Variants in CTNNA3 observed in about 807,000 individuals in gnomAD.
The protein encoded by CTNNA3 is catenin alpha-3.
Under a neutral mutation model 95.7 loss-of-function variants are expected in CTNNA3, and 76 were observed. That is an observed-to-expected ratio of 0.79 (90% CI 0.66 to 0.96). The LOEUF (loss-of-function observed/expected upper bound fraction) is 0.96, where lower values mean the gene tolerates loss of function less well. CTNNA3 is among the 40% of genes least tolerant of loss of function. CTNNA3 has a pLI of 0.00. For synonymous variants in CTNNA3, 431 were observed against 374.4 expected (o/e 1.15, Z -1.74); for missense variants, 1,191 against 1,089.8 (o/e 1.09, Z -1.31).
At chr10:66,135,820 T>C (rs2083314819) in intron 13 of CTNNA3, among the ~76,000 whole-genome samples, 1 of 152,236 alleles carries the variant, frequency 6.6e-6, no homozygotes, top group Non-Finnish European at 1.5e-5. Flanking sequence ...TGTTTAACAA[T>C]TGACTCTAAA....
At chr10:66,736,497 A>G (rs1849148062) in intron 9 of CTNNA3, among the ~76,000 whole-genome samples, 1 of 151,878 alleles carries the variant, frequency 6.6e-6, no homozygotes, top group African/African-American at 2.4e-5. Context: ...CCAGGCAACT[A>G]ATACAATTTT....
At chr10:66,532,542 C>T (rs1841507342) in intron 10 of CTNNA3, among the ~76,000 whole-genome samples, 1 of 151,372 alleles carries the variant, frequency 6.6e-6, no homozygotes, top group Non-Finnish European at 1.5e-5. Context: ...GACTTGGATT[C>T]AGCTTTGGTT....
At chr10:66,035,537 A>ATTTTT (rs3884199) in intron 15 of CTNNA3, among the ~76,000 whole-genome samples, 2,685 of 147,194 alleles carry the variant, frequency 0.018, 58 homozygotes, top group Admixed American at 0.048. Context: ...GAATGAGGGT[A>ATTTTT]TTTTTTTTTT....
At chr10:66,979,085 C>T (rs960382486) in intron 7 of CTNNA3, among the ~76,000 whole-genome samples, 3 of 151,108 alleles carry the variant, frequency 2.0e-5, no homozygotes, top group Admixed American at 6.6e-5. Flanking sequence ...CTGCCTCAGC[C>T]TCCTGAGTAG....
At chr10:67,673,778 G>C (rs1199453627) in intron 1 of CTNNA3, among the ~76,000 whole-genome samples, 1 of 134,382 alleles carries the variant, frequency 7.4e-6, no homozygotes, top group Non-Finnish European at 1.6e-5. Flanking sequence ...AAGAAGTCTA[G>C]AGGTAAGAAG....
intron 9 of CTNNA3, among the ~76,000 whole-genome samples, chr10:66,635,044 G>GAC (rs1001270895): frequency 2.0e-5 from 3 of 152,016 alleles, no homozygotes; most frequent in African/African-American, 7.2e-5. Flanking sequence ...ACTGTAAATG[G>GAC]ACACACACAC....
At position 67,555,183 on chromosome 10, in the gene CTNNA3, A is replaced by T. The variant is rs143265744; in HGVS notation, c.293-15514T>A. ...CTTGTAGTTCAGTTTGAAGTCTGGT[A>T]GTGTGATGCCTCCAGCTTTGTTCTT... On this transcript the variant is annotated intron_variant, in intron 3 of 17. Coordinates refer to ENST00000433211, the MANE Select transcript of CTNNA3 (RefSeq NM_013266.4). Among the ~76,000 whole-genome samples the T allele has an allele frequency of 2.4e-3, 360 of 152,238 alleles. 4 individuals are homozygous for T. Among genetic ancestry groups the T allele is most frequent in the African/African-American group, 8.1e-3 (336 of 41,530 alleles).
chr10:66,011,793 A>T (rs545609126), intron 15 of CTNNA3, among the ~76,000 whole-genome samples: 4 of 152,218 alleles, frequency 2.6e-5, no homozygotes, highest in African/African-American at 9.7e-5. Flanking sequence ...ATTGTAAAAG[A>T]GTCTAGTTTA....
intron 4 of CTNNA3, among the ~76,000 whole-genome samples, chr10:67,538,192 G>T (rs1840547193): frequency 7.2e-6 from 1 of 139,634 alleles, no homozygotes; most frequent in Non-Finnish European, 1.5e-5. Flanking sequence ...GTATTGAATT[G>T]CTGTTTTTAC....
chr10:66,971,811 A>G (rs914583119), intron 7 of CTNNA3, among the ~76,000 whole-genome samples: 3 of 152,144 alleles, frequency 2.0e-5, no homozygotes, highest in Non-Finnish European at 2.9e-5. Flanking sequence ...CATCTCTACT[A>G]TTATTATAAA....
chr10:67,293,241 T>C (rs1839906021), intron 5 of CTNNA3, among the ~76,000 whole-genome samples: 1 of 152,298 alleles, frequency 6.6e-6, no homozygotes, highest in South Asian at 2.1e-4. Context: ...AAGGTCCTCT[T>C]AGAAGGTAGT....
chr10:67,732,195 G>C (rs978301341), intron 1 of CTNNA3, among the ~76,000 whole-genome samples: 3 of 151,956 alleles, frequency 2.0e-5, no homozygotes, highest in Non-Finnish European at 4.4e-5. Flanking sequence ...TGGTTACATG[G>C]ATATATTGCA....
At chr10:66,872,442 G>A (rs1025237174) in intron 7 of CTNNA3, among the ~76,000 whole-genome samples, 10 of 152,112 alleles carry the variant, frequency 6.6e-5, no homozygotes, top group Non-Finnish European at 1.3e-4. Flanking sequence ...GCCGAGGCAG[G>A]TGGATTGTCT....
At chr10:67,428,356 A>G (rs1156786980) in intron 5 of CTNNA3, among the ~76,000 whole-genome samples, 4 of 152,192 alleles carry the variant, frequency 2.6e-5, no homozygotes, top group Admixed American at 2.6e-4. Flanking sequence ...TATATCATTA[A>G]TGAGTTGAAG....
chr10:66,119,074 C>A (rs1023686215), intron 13 of CTNNA3, among the ~76,000 whole-genome samples: 1 of 151,984 alleles, frequency 6.6e-6, no homozygotes, highest in African/African-American at 2.4e-5. Context: ...AGATATAAAA[C>A]ATTGATTTTT....
At chr10:66,033,037 C>T (rs960757670) in intron 15 of CTNNA3, among the ~76,000 whole-genome samples, 1 of 152,062 alleles carries the variant, frequency 6.6e-6, no homozygotes, top group African/African-American at 2.4e-5. Flanking sequence ...TCGACATGTT[C>T]ATCTCATCCT....
chr10:66,133,148 C>A (rs1176907988), intron 13 of CTNNA3, among the ~76,000 whole-genome samples: 4 of 151,760 alleles, frequency 2.6e-5, no homozygotes, highest in Non-Finnish European at 4.4e-5. Context: ...TATGTAAATT[C>A]TCCTATGTTA....
chr10:66,819,093 A>T (rs1313146274), intron 7 of CTNNA3, among the ~76,000 whole-genome samples: 8 of 110,038 alleles, frequency 7.3e-5, no homozygotes, highest in African/African-American at 2.3e-4. Flanking sequence ...CTCTTGTCTT[A>T]AAAAAAAAAA....
chr10:67,513,818 T>C (rs908861333), intron 5 of CTNNA3, among the ~76,000 whole-genome samples: 4 of 152,200 alleles, frequency 2.6e-5, no homozygotes, highest in Admixed American at 2.6e-4. Flanking sequence ...AGGAAAAGAA[T>C]GCTTTTCATA....
Sources: gnomAD v4.1 joint callset for allele counts (sites outside exome capture counted in the v4.1 genomes callset) on GRCh38, gnomAD v4.1.1 for gene constraint, MANE v1.5 for transcripts, NCBI Gene and HGNC (gene_info 2026-07-23, HGNC 2026-07-21) for gene names.